The following RNF40 variants were observed in gnomAD, a reference collection of about 807,000 sequenced individuals.
RNF40 encodes ring finger protein 40.
Under a neutral mutation model 123.3 loss-of-function variants are expected in RNF40, and 39 were observed. The ratio of observed to expected loss-of-function variants is 0.32; its 90% CI spans 0.24 to 0.41. RNF40 has a LOEUF of 0.41. Ranked by LOEUF, RNF40 falls within the 10% of genes least tolerant of loss-of-function variation. The pLI, the probability that RNF40 is intolerant of heterozygous loss-of-function variation, is 1.00. For synonymous variants in RNF40, 538 were observed against 526.0 expected, an observed-to-expected ratio of 1.02 and a Z score of -0.31; for missense variants, 1,003 against 1,319.9, an observed-to-expected ratio of 0.76 and a Z score of 3.72.
In RNF40 at chr16:30,768,567, A is replaced by T. The variant is rs763240299; in HGVS notation, c.1979+37A>T. ...TTCCTGTCTCCTTCCTGACCCTGCC[A>T]GGTGGCCTCCAGTCCCACTCACTAA... On this transcript the variant is annotated intron_variant, in intron 13 of 19. Coordinates refer to ENST00000324685, the MANE Select transcript of RNF40 (RefSeq NM_014771.4). This position sits in a 1 kb window ranked among gnomAD's most constrained non-coding sequence, Gnocchi z 4.1. The T allele has an allele frequency of 1.2e-4, 189 of 1,613,646 alleles. No homozygotes were observed. The highest frequency in any genetic ancestry group is 1.5e-4 in the Non-Finnish European group (177 of 1,179,720).
chr16:30,764,567 G>A (rs2053993204), intron 5 of RNF40, among the ~76,000 whole-genome samples, 182 bp downstream of exon 5: 1 of 152,224 alleles, frequency 6.6e-6, no homozygotes, highest in African/African-American at 2.4e-5. Flanking sequence ...TTGATTCCGG[G>A]ATTGAATGCT....
chr16:30,770,580 C>T (rs1298585984), intron 17 of RNF40, among the ~76,000 whole-genome samples: 1 of 152,172 alleles, frequency 6.6e-6, no homozygotes, highest in Non-Finnish European at 1.5e-5. Context: ...TGTTCTTTGT[C>T]ACATAGTTGT....
rs779749086 is a variant in RNF40 at position 30,763,387 on chromosome 16, T to G, written c.301-31T>G. 3.8e-6 allele frequency: 6 copies of G among 1,598,542 alleles called. No homozygotes were observed. In the South Asian group the frequency reaches 6.7e-5, roughly 18 times the overall value. ...ATCATGTTGGAAAGCACTAAGGGAT[T>G]CATAACATTTTTGATGTTTTCTCCT... On this transcript the variant is annotated intron_variant, in intron 3 of 19. Coordinates refer to ENST00000324685, the MANE Select transcript of RNF40 (RefSeq NM_014771.4).
chr16:30,772,558 G>A (rs944140594), intron 19 of RNF40, among the ~76,000 whole-genome samples: 9 of 152,222 alleles, frequency 5.9e-5, no homozygotes, highest in Non-Finnish European at 1.0e-4. Context: ...AGGCTTCCTG[G>A]AGTGAATGTC....
rs756957040 is a variant in RNF40, at chr16:30,763,237, G to A, written c.252G>A (p.Gln84=). 3 of 1,614,138 alleles carry A rather than the reference G, an allele frequency of 1.9e-6. No homozygotes were observed. The highest frequency in any genetic ancestry group is 2.5e-6 in the Non-Finnish European group (3 of 1,180,028). Residue 84 remains glutamine, a synonymous_variant, in exon 3 of 20, where the codon CAG becomes CAA. Coordinates refer to ENST00000324685, the MANE Select transcript of RNF40 (RefSeq NM_014771.4). ...RERIEKLEKR[Q]ATDDATLLIV... is the part of the protein sequence containing the mutation. The stretch of plus-strand genomic sequence containing the variant: ...GAATTGAGAAGTTGGAGAAGCGGCA[G>A]GCCACAGATGATGCCACACTCCTCA...
chr16:30,767,007 A>C (rs548490013), intron 11 of RNF40, 131 bp downstream of exon 11: 1 of 1,222,840 alleles, frequency 8.2e-7, no homozygotes, highest in East Asian at 2.6e-5. Flanking sequence ...CCTATGCAAA[A>C]CAGGGCCTGC....
At chr16:30,772,555 C>T (rs775364984) in intron 19 of RNF40, among the ~76,000 whole-genome samples, 26 of 152,182 alleles carry the variant, frequency 1.7e-4, no homozygotes, top group Non-Finnish European at 3.5e-4. Context: ...AGCAGGCTTC[C>T]TGGAGTGAAT....
Position 30,763,577 on chromosome 16 carries a change from G to A in RNF40, c.442+18G>A. The A allele has an allele frequency of 1.2e-6, 2 of 1,613,414 alleles. No individual in the cohort carries two copies. The highest frequency in any genetic ancestry group is 1.7e-6 in the Non-Finnish European group (2 of 1,179,826). On this transcript the variant is annotated intron_variant, in intron 4 of 19. Transcript: ENST00000324685. ...GCTGAGAGGTAGGACCAGAGTGCTG[G>A]GATCTGGGGAGCTTAAGTTCTGGGA...
chr16:30,765,047 C>T lies in RNF40; in HGVS notation c.759C>T (p.Arg253=). 4 of 1,614,070 alleles carry T rather than the reference C, an allele frequency of 2.5e-6. No homozygotes were observed. The highest frequency in any genetic ancestry group is 1.1e-5 in the South Asian group (1 of 91,082). ...CTCAGCTGCAGGAGAAACACCACCG[C>T]ATCTCATTGGAGGTGAGGAGCCGGG... is the stretch of plus-strand genomic sequence containing the variant. ...LATQLQEKHH[R]ISLEYSELQD... Residue 253 remains arginine (R), a synonymous_variant, in exon 6 of 20, where the codon CGC becomes CGT. Transcript: ENST00000324685.
chr16:30,769,575 A>C lies in RNF40; in HGVS notation c.2561A>C (p.Gln854Pro). The C allele has an allele frequency of 6.2e-7, 1 of 1,601,400 alleles. No homozygotes were observed. The highest frequency in any genetic ancestry group is 8.5e-7 in the Non-Finnish European group (1 of 1,173,896). The change falls in exon 17 of 20, where the codon CAA (glutamine) becomes CCA (proline). Residue 854 changes from glutamine to proline, a missense_variant. By Grantham distance (76) the Gln-to-Pro change is moderately conservative. This residue lies in a region of RNF40 where 121 missense variants were observed against 125.3 expected (regional missense o/e 0.97). Coordinates refer to ENST00000324685, the MANE Select transcript of RNF40 (RefSeq NM_014771.4). ...GAGAAGGAGCTGACGCTGCGCAGCC[A>C]AGCCCTGGAGCTCAACAAGCGGAAG... ...GVEKELTLRS[Q>P]ALELNKRKAV...
At position 30,766,279 on chromosome 16, in the gene RNF40, C is replaced by A. The variant is rs2054030212; in HGVS notation, c.1110C>A (p.Leu370=). 1 of 1,613,962 alleles carries A rather than the reference C, an allele frequency of 6.2e-7. No homozygotes were observed. Residue 370 remains leucine, a synonymous_variant, in exon 9 of 20, where the codon CTC becomes CTA. Transcript: ENST00000324685. This position sits in a 1 kb window ranked among gnomAD's most constrained non-coding sequence, Gnocchi z 5.4. The stretch of plus-strand genomic sequence containing the variant: ...GGGCTGTGCGGACCAATGAGCGCCT[C>A]AAGGTGGGCTGCTGTAGGGGCTGAG... ...LQGAVRTNER[L]KVALRSLPEE...
At position 30,768,616 on chromosome 16, in the gene RNF40, C is replaced by T. The variant is rs779371101; in HGVS notation, c.1980-3C>T. Reference sequence around the variant, plus strand: ...AAGACTTCCTCCTGTACCTTCTTGCCAGGAAGGCCCAGGAGAGCCAGAAGG... The same window carrying T: ...AAGACTTCCTCCTGTACCTTCTTGCTAGGAAGGCCCAGGAGAGCCAGAAGG... On this transcript the variant is annotated splice_region_variant and splice_polypyrimidine_tract_variant and intron_variant, in intron 13 of 19. Coordinates refer to ENST00000324685, the MANE Select transcript of RNF40 (RefSeq NM_014771.4). The surrounding 1 kb of genome is among the most constrained non-coding windows in gnomAD (Gnocchi z 4.1). The T allele has an allele frequency of 1.9e-6, 3 of 1,614,146 alleles. No homozygotes were observed. The highest frequency in any genetic ancestry group is 4.5e-5 in the East Asian group (2 of 44,872).
At position 30,770,602 on chromosome 16, in the gene RNF40, G is replaced by A. The variant is rs2054131147; in HGVS notation, c.2586+1002G>A. 2.0e-5 allele frequency among the ~76,000 whole-genome samples: 3 copies of A among 152,230 alleles called. No homozygotes were observed. The South Asian group carries it at 6.2e-4, about 31-fold the overall frequency. ...TGTCACATAGTTGTATTAAATAGAA[G>A]AAATGTCTAGCTTTGGCTAAAGGCT... On this transcript the variant is annotated intron_variant, in intron 17 of 19. Transcript: ENST00000324685.
intron 7 of RNF40, 38 bp from the exon 8 acceptor site, chr16:30,765,387 C>T (rs369932858): frequency 2.7e-5 from 43 of 1,613,708 alleles, no homozygotes; most frequent in East Asian, 2.2e-4. Flanking sequence ...TTAGCTCCTC[C>T]CCTCTACATC....
chr16:30,767,456 T>C (rs964916866), intron 11 of RNF40, among the ~76,000 whole-genome samples: 1 of 151,942 alleles, frequency 6.6e-6, no homozygotes, highest in Admixed American at 6.6e-5. Flanking sequence ...CTAACTTTTG[T>C]GAATGTTACA....
At position 30,764,992 on chromosome 16, in the gene RNF40, G is replaced by A. The variant is rs761795499; in HGVS notation, c.704G>A (p.Arg235His). The change falls in exon 6 of 20, where the codon CGT (arginine) becomes CAT (histidine). Residue 235 changes from arginine (R) to histidine (H), a missense_variant. Transcript: ENST00000324685. ...AAQAHTRELGRENRRLQDLAT... is the reference protein window; with the variant it reads ...AAQAHTRELGHENRRLQDLAT... The stretch of plus-strand genomic sequence containing the variant: ...CAGGCACACACCCGAGAGCTGGGCC[G>A]TGAGAACCGGCGACTGCAGGACTTG... 21 of 1,613,510 alleles carry A rather than the reference G, an allele frequency of 1.3e-5. No individual in the cohort carries two copies. Among genetic ancestry groups the A allele is most frequent in the Admixed American group, 5.0e-5 (3 of 59,996 alleles).
At position 30,766,988 on chromosome 16, in the gene RNF40, C is replaced by A; in HGVS notation, c.1429+112C>A. The A allele has an allele frequency of 7.4e-7, 1 of 1,343,934 alleles. No individual in the cohort carries two copies. The highest frequency in any genetic ancestry group is 1.0e-6 in the Non-Finnish European group (1 of 999,334). The allele number at this position is 1,343,934 out of a possible 1,614,324, so 83.3% of individuals were successfully genotyped here. A position where few individuals can be genotyped will look rare whatever the true frequency, so the allele number is the denominator to read the frequency against. Reference sequence around the variant, plus strand: ...GGCTAAGGCCTTTTTTTTCACAGAGCCTCGGCTTCCTATGCAAAACAGGGC... The same window carrying A: ...GGCTAAGGCCTTTTTTTTCACAGAGACTCGGCTTCCTATGCAAAACAGGGC... On this transcript the variant is annotated intron_variant, in intron 11 of 19. Coordinates refer to ENST00000324685, the MANE Select transcript of RNF40 (RefSeq NM_014771.4). This position sits in a 1 kb window ranked among gnomAD's most constrained non-coding sequence, Gnocchi z 5.4.
rs755539247 is a variant in RNF40, at chr16:30,765,335, A to G, written c.918+8A>G. 1.2e-6 allele frequency: 2 copies of G among 1,614,176 alleles called. No individual in the cohort carries two copies. Among genetic ancestry groups the G allele is most frequent in the Middle Eastern group, 1.6e-4 (1 of 6,062 alleles). Reference sequence around the variant, plus strand: ...GCAGAGGCCTTAGAGCAGGTGGGGCAGGGGTGCTGGGGCAGGTGAGGCAAG... The same window carrying G: ...GCAGAGGCCTTAGAGCAGGTGGGGCGGGGGTGCTGGGGCAGGTGAGGCAAG... On this transcript the variant is annotated splice_region_variant and intron_variant, in intron 7 of 19. Coordinates refer to ENST00000324685, the MANE Select transcript of RNF40 (RefSeq NM_014771.4).
chr16:30,773,208 G>A (rs2054178143), intron 19 of RNF40, among the ~76,000 whole-genome samples: 1 of 152,174 alleles, frequency 6.6e-6, no homozygotes, highest in African/African-American at 2.4e-5. Flanking sequence ...ATATGACTTG[G>A]TCATCCCTTG....
Sources: gnomAD v4.1 joint callset for allele counts (sites outside exome capture counted in the v4.1 genomes callset) on GRCh38, gnomAD v4.1.1 for gene constraint, gnomAD v4.1.1 regional missense constraint, Gnocchi (gnomAD v3.1) non-coding constraint, MANE v1.5 for transcripts, NCBI Gene and HGNC (gene_info 2026-07-23, HGNC 2026-07-21) for gene names.